CHST8: variants seen among roughly 807,000 people sequenced by gnomAD.
The protein encoded by CHST8 is carbohydrate sulfotransferase 8.
A neutral mutation model predicts 15.0 loss-of-function variants in CHST8; 10 were observed. The ratio of observed to expected loss-of-function variants is 0.67; its 90% CI spans 0.41 to 1.13. The LOEUF (loss-of-function observed/expected upper bound fraction) is 1.13. Ranked by LOEUF, CHST8 falls within the 50% of genes most tolerant of loss-of-function variation. The pLI is 0.00. For synonymous variants in CHST8, 259 were observed against 256.6 expected (o/e 1.01, Z -0.09); for missense variants, 634 against 608.2 (o/e 1.04, Z -0.45).
At chr19:33,709,471 T>A (rs1196747254) in intron 3 of CHST8, among the ~76,000 whole-genome samples, 1 of 152,224 alleles carries the variant, frequency 6.6e-6, no homozygotes, top group Non-Finnish European at 1.5e-5. Flanking sequence ...CTACATCTAT[T>A]GAGATGTTTA....
rs192349990 is a variant in CHST8 at position 33,697,526 on chromosome 19, C to A, written c.130+8135C>A. ...AGATTATAGTCTGAGCCACTGTGCC[C>A]GGCCTCATGTAATACTTTAAAACCC... On this transcript the variant is annotated intron_variant, in intron 3 of 4. Transcript: ENST00000650847. Among the ~76,000 whole-genome samples the A allele has an allele frequency of 2.0e-5, 3 of 152,148 alleles. No homozygotes were observed. The South Asian group carries it at 6.2e-4, about 32-fold the overall frequency.
chr19:33,623,943 G>A (rs540318940), intron 1 of CHST8, among the ~76,000 whole-genome samples: 4 of 152,202 alleles, frequency 2.6e-5, no homozygotes, highest in Non-Finnish European at 4.4e-5. Context: ...GACCTCTTGA[G>A]GGTCTGAATG....
At chr19:33,695,561 AC>A (rs1037236959) in intron 3 of CHST8, among the ~76,000 whole-genome samples, 5 of 151,358 alleles carry the variant, frequency 3.3e-5, no homozygotes, top group African/African-American at 1.2e-4. Flanking sequence ...TTTGTCCCTC[AC>A]CCCCCATCCC....
chr19:33,756,249 T>C (rs1031847130), intron 3 of CHST8, among the ~76,000 whole-genome samples: 64 of 152,326 alleles, frequency 4.2e-4, no homozygotes, highest in African/African-American at 1.5e-3. Flanking sequence ...ATCTACTTAA[T>C]ATTCTCGTGC....
rs57718433 is a variant in CHST8 at position 33,695,821 on chromosome 19, C to CTTTCTTTCTTTT, written c.130+6433_130+6434insCTTTCTTTTTTT. Reference sequence around the variant, plus strand: ...TTTCTTTTTCTTTCTTTCTTTCTTTCTTTTTTTTTTTTTTTTTTTTTGAGA... The same window carrying CTTTCTTTCTTTT: ...TTTCTTTTTCTTTCTTTCTTTCTTTCTTTCTTTCTTTTTTTTTTTTTTTTTTTTTTTTTGAGA... On this transcript the variant is annotated intron_variant, in intron 3 of 4. Coordinates refer to ENST00000650847, the MANE Select transcript of CHST8 (RefSeq NM_001127895.2). Among the ~76,000 whole-genome samples the CTTTCTTTCTTTT allele has an allele frequency of 5.3e-3, 404 of 76,200 alleles. 7 individuals are homozygous for CTTTCTTTCTTTT. Among genetic ancestry groups the CTTTCTTTCTTTT allele is most frequent in the African/African-American group, 0.015 (234 of 16,110 alleles). 50.0% of individuals were successfully genotyped at this position (76,200 alleles called of 152,430 possible). A position where few individuals can be genotyped will look rare whatever the true frequency, so the allele number is the denominator to read the frequency against.
At chr19:33,737,619 C>T (rs536191086) in intron 3 of CHST8, among the ~76,000 whole-genome samples, 9 of 152,284 alleles carry the variant, frequency 5.9e-5, no homozygotes, top group South Asian at 2.1e-4. Context: ...CATCTGTTTG[C>T]GGAACTGTGT....
intron 3 of CHST8, among the ~76,000 whole-genome samples, chr19:33,751,680 G>C (rs1974423995): frequency 6.6e-6 from 1 of 152,218 alleles, no homozygotes; most frequent in African/African-American, 2.4e-5. Flanking sequence ...GAATCAGACA[G>C]CTCGGGCCTG....
rs563249700 is a variant in CHST8, at chr19:33,743,360, C to T, written c.131-28053C>T. ...TGTTACCCAGGTTGGAGTGCAGTGG[C>T]GCGATCTCGGCTCACTGCAGGCTCC... On this transcript the variant is annotated intron_variant, in intron 3 of 4. Transcript: ENST00000650847. Among the ~76,000 whole-genome samples, 15 of 134,288 alleles carry T rather than the reference C, an allele frequency of 1.1e-4. No homozygotes were observed. In the East Asian group the frequency reaches 2.9e-3, roughly 26 times the overall value. The allele number at this position is 134,288 out of a possible 152,430, so 88.1% of individuals were successfully genotyped here. A position where few individuals can be genotyped will look rare whatever the true frequency, so the allele number is the denominator to read the frequency against.
Position 33,688,878 on chromosome 19 carries a change from G to A in CHST8, c.-86-298G>A, listed in dbSNP as rs562059377. Among the ~76,000 whole-genome samples the A allele has an allele frequency of 5.5e-4, 83 of 152,254 alleles. 1 individual carries two copies. Among genetic ancestry groups the A allele is most frequent in the African/African-American group, 1.9e-3 (78 of 41,556 alleles). ...AGGGGGTGGCTGCTGGTTACTGACT[G>A]GGGGCCTGGAGGTTCCCAACTGGGC... On this transcript the variant is annotated intron_variant, in intron 2 of 4. Coordinates refer to ENST00000650847, the MANE Select transcript of CHST8 (RefSeq NM_001127895.2).
chr19:33,676,989 T>C (rs969027858), intron 2 of CHST8, among the ~76,000 whole-genome samples: 6 of 152,222 alleles, frequency 3.9e-5, no homozygotes, highest in Non-Finnish European at 8.8e-5. Context: ...ATTTTTATTA[T>C]GAAAGTGTCT....
At chr19:33,631,974 C>T (rs1255601832) in intron 1 of CHST8, among the ~76,000 whole-genome samples, 1 of 152,172 alleles carries the variant, frequency 6.6e-6, no homozygotes, top group Non-Finnish European at 1.5e-5. Context: ...GCTGCTACTG[C>T]TATTATTACT....
In CHST8 at chr19:33,706,926, T is replaced by C. The variant is rs531796587; in HGVS notation, c.130+17535T>C. ...CCACAGGCCGGGAGGAGGTGTGTTA[T>C]TCCTGCCAGGGAAATTTTCCACTTT... On this transcript the variant is annotated intron_variant, in intron 3 of 4. Coordinates refer to ENST00000650847, the MANE Select transcript of CHST8 (RefSeq NM_001127895.2). Among the ~76,000 whole-genome samples, 224 of 152,244 alleles carry C rather than the reference T, an allele frequency of 1.5e-3. 1 individual carries two copies. The highest frequency in any genetic ancestry group is 5.2e-3 in the African/African-American group (218 of 41,528).
chr19:33,717,941 T>G (rs942976460), intron 3 of CHST8, among the ~76,000 whole-genome samples: 1 of 152,166 alleles, frequency 6.6e-6, no homozygotes, highest in African/African-American at 2.4e-5. Flanking sequence ...GACTTCAAGG[T>G]GGATTTGGAG....
intron 2 of CHST8, among the ~76,000 whole-genome samples, chr19:33,673,484 A>G (rs1972769467): frequency 6.6e-6 from 1 of 152,058 alleles, no homozygotes; most frequent in South Asian, 2.1e-4. Context: ...GGTCAGACAC[A>G]TTTCCCTGCC....
intron 3 of CHST8, among the ~76,000 whole-genome samples, chr19:33,741,022 T>A (rs1461484298): frequency 1.3e-5 from 2 of 152,212 alleles, no homozygotes; most frequent in African/African-American, 4.8e-5. Flanking sequence ...CAGCACTCCC[T>A]CTCCTTCCAG....
chr19:33,685,841 A>G (rs1429835013), intron 2 of CHST8, among the ~76,000 whole-genome samples: 1 of 152,132 alleles, frequency 6.6e-6, no homozygotes, highest in Non-Finnish European at 1.5e-5. Context: ...GAGGAACAAT[A>G]GAGGATTCTA....
At chr19:33,691,995 G>C (rs1356441895) in intron 3 of CHST8, among the ~76,000 whole-genome samples, 1 of 152,102 alleles carries the variant, frequency 6.6e-6, no homozygotes, top group Non-Finnish European at 1.5e-5. Flanking sequence ...AGGTCCCTTG[G>C]GGCCTGGCCT....
chr19:33,757,422 GAAAGAAAGAAAGAA>G (rs1974577133), intron 3 of CHST8, among the ~76,000 whole-genome samples: 1 of 15,916 alleles, frequency 6.3e-5, no homozygotes, highest in African/African-American at 2.6e-4. Context: ...AAGAAAGAAA[GAAAGAAAGAAAGAA>G]AGAAAGAAAG....
At chr19:33,709,435 G>A (rs1345310083) in intron 3 of CHST8, among the ~76,000 whole-genome samples, 1 of 152,142 alleles carries the variant, frequency 6.6e-6, no homozygotes, top group Non-Finnish European at 1.5e-5. Flanking sequence ...CCATGAATAG[G>A]TGTTGGATTT....
Sources: allele counts gnomAD v4.1 joint callset (sites outside exome capture counted in the v4.1 genomes callset), GRCh38; gene constraint gnomAD v4.1.1; transcripts MANE v1.5; gene names NCBI Gene and HGNC (gene_info 2026-07-23, HGNC 2026-07-21).